PFKM: variants seen among roughly 807,000 people sequenced by gnomAD.
PFKM encodes the protein phosphofructokinase, muscle.
PFKM carries 58 observed loss-of-function variants against 95.5 expected under a neutral mutation model. The ratio of observed to expected loss-of-function variants is 0.61; its 90% CI spans 0.49 to 0.76. The LOEUF is 0.76. Ranked by LOEUF, PFKM falls within the 30% of genes least tolerant of loss-of-function variation. The pLI is 0.00. For missense variants in PFKM, 678 were observed against 1,005.4 expected (o/e 0.67, Z 4.40); for synonymous variants, 336 against 357.2 (o/e 0.94, Z 0.67).
At chr12:48,135,871 C>A (rs1189399687) in intron 10 of PFKM, among the ~76,000 whole-genome samples, 1 of 151,876 alleles carries the variant, frequency 6.6e-6, no homozygotes, top group Non-Finnish European at 1.5e-5. Context: ...TACCCCCACC[C>A]ATCCCTCCTC....
At chr12:48,114,622 C>T (rs560196058), upstream of PFKM, among the ~76,000 whole-genome samples, 3 of 152,076 alleles carry the variant, frequency 2.0e-5, no homozygotes, top group South Asian at 6.2e-4. Context: ...GAAGACTCAG[C>T]AACGCTTGGG....
rs762357629 is a variant in PFKM at position 48,137,817 on chromosome 12, C to T, written c.1033C>T (p.Arg345Cys). ...VVSLSGNQAV[R>C]LPLMECVQVT... ...GAGCCTCTCTGGTAACCAGGCTGTG[C>T]GCCTGCCCCTCATGGAATGTGTCCA... The change falls in exon 11 of 23, where the codon CGC becomes TGC. Residue 345 changes from arginine (R) to cysteine (C), a missense_variant. Arg to Cys is a radical substitution (Grantham distance 180, BLOSUM62 -3). Coordinates refer to ENST00000359794, the MANE Select transcript of PFKM (RefSeq NM_000289.6). 11 of 1,614,068 alleles carry T rather than the reference C, an allele frequency of 6.8e-6. No individual in the cohort carries two copies. The highest frequency in any genetic ancestry group is 2.2e-5 in the East Asian group (1 of 44,864).
chr12:48,135,964 C>A (rs547662171), intron 10 of PFKM, among the ~76,000 whole-genome samples: 7 of 152,068 alleles, frequency 4.6e-5, no homozygotes, highest in Non-Finnish European at 4.4e-5. Context: ...CCTTGGCTCA[C>A]TGCACGCTCT....
At chr12:48,126,587 C>T (rs1460671350) in intron 2 of PFKM, among the ~76,000 whole-genome samples, 1 of 152,156 alleles carries the variant, frequency 6.6e-6, no homozygotes, top group African/African-American at 2.4e-5. Context: ...TGAAAACGTT[C>T]GGAGTCACTT....
chr12:48,107,992 TAGGGAA>T, intron 2 of PFKM: 1 of 1,448,812 alleles, frequency 6.9e-7, no homozygotes, highest in South Asian at 1.2e-5. Context: ...CTCAGAGTCA[TAGGGAA>T]AATGAAAGGG....
At chr12:48,110,661 G>A (rs947527966) in intron 3 of PFKM, among the ~76,000 whole-genome samples, 1 of 152,188 alleles carries the variant, frequency 6.6e-6, no homozygotes, top group Non-Finnish European at 1.5e-5. Context: ...AGGGTGTTCT[G>A]CTCCTTGTTC....
chr12:48,123,405 T>C (rs894004210), intron 2 of PFKM, among the ~76,000 whole-genome samples: 1 of 152,024 alleles, frequency 6.6e-6, no homozygotes, highest in African/African-American at 2.4e-5. Context: ...ACAGATCCGG[T>C]ATGAGGTGGA....
chr12:48,107,577 T>C, intron 2 of PFKM: 1 of 678,202 alleles, frequency 1.5e-6, no homozygotes, highest in Non-Finnish European at 2.6e-6. Context: ...TGACCTTGTT[T>C]ATCACATTCT....
At chr12:48,144,212 C>G in intron 20 of PFKM, 55 bp downstream of exon 20, 1 of 1,173,964 alleles carries the variant, frequency 8.5e-7, no homozygotes, top group Non-Finnish European at 1.3e-6. Flanking sequence ...CTGCCAACAG[C>G]CATACCTGCC....
intron 1 of PFKM, among the ~76,000 whole-genome samples, chr12:48,121,268 T>A (rs7133146): frequency 0.99 from 151,576 of 152,366 alleles, 75,399 homozygotes; most frequent in Middle Eastern, 1. Flanking sequence ...GCCCAGGCAC[T>A]AAAGTGGGAA....
At chr12:48,143,946 A>G in intron 19 of PFKM, 100 bp from the exon 20 acceptor site, 1 of 1,119,734 alleles carries the variant, frequency 8.9e-7, no homozygotes, top group Non-Finnish European at 1.4e-6. Context: ...TATCCCTTGA[A>G]TCCTTGGAGG....
At chr12:48,105,955 C>G in exon 1 of PFKM, 1 of 694,102 alleles carries the variant, frequency 1.4e-6, no homozygotes, top group Non-Finnish European at 2.6e-6. Flanking sequence ...GCCGGCTGAC[C>G]GGGTCCGACA....
chr12:48,141,971 A>C lies in PFKM; in HGVS notation c.1558A>C (p.Ile520Leu). 1.2e-6 allele frequency: 2 copies of C among 1,614,026 alleles called. No homozygotes were observed. Among genetic ancestry groups the C allele is most frequent in the Non-Finnish European group, 1.7e-6 (2 of 1,179,924 alleles). ...CAGGAAGCAGTTTGATGAGCTCTGC[A>C]TCCCATTTGTGGTCATTCCTGCTAC... ...EGRKQFDELC[I>L]PFVVIPATVS... The change falls in exon 17 of 23, where the codon ATC becomes CTC. Residue 520 changes from isoleucine to leucine, a missense_variant. Transcript: ENST00000359794.
At chr12:48,118,021 GA>G (rs1177944860), upstream of PFKM, among the ~76,000 whole-genome samples, 1 of 152,166 alleles carries the variant, frequency 6.6e-6, no homozygotes, top group African/African-American at 2.4e-5. Context: ...AATCTGTGAG[GA>G]CCAAGGTTTT....
intron 7 of PFKM, 95 bp downstream of exon 7, chr12:48,134,371 G>C (rs1267417390): frequency 9.6e-7 from 1 of 1,038,362 alleles, no homozygotes; most frequent in African/African-American, 1.6e-5. Context: ...AGTAGCAGCA[G>C]ATCTGGAGGT....
At position 48,135,310 on chromosome 12, in the gene PFKM, G is replaced by A. The variant is rs760675466; in HGVS notation, c.863G>A (p.Gly288Glu). 1.2e-6 allele frequency: 2 copies of A among 1,614,086 alleles called. No individual in the cohort carries two copies. Among genetic ancestry groups the A allele is most frequent in the East Asian group, 4.5e-5 (2 of 44,872 alleles). Residue 288 changes from glycine to glutamate, a missense_variant, in exon 10 of 23, where the codon GGA becomes GAA. Physicochemically the swap from Gly to Glu is moderately conservative, Grantham distance 98. Transcript: ENST00000359794. The part of the protein sequence containing the change: ...DIKNLVVKRL[G>E]YDTRVTVLGH... Reference sequence around the variant, plus strand: ...CTTCAGCTGGTGGTTAAGCGTCTGGGATATGACACCCGGGTTACTGTCTTG... The same window carrying A: ...CTTCAGCTGGTGGTTAAGCGTCTGGAATATGACACCCGGGTTACTGTCTTG...
rs755585302 is a variant in PFKM at position 48,143,744 on chromosome 12, C to G, written c.1819-9C>G. The G allele has an allele frequency of 3.1e-6, 5 of 1,610,136 alleles. No homozygotes were observed. In the Admixed American group the frequency reaches 8.3e-5, roughly 27 times the overall value. On this transcript the variant is annotated splice_polypyrimidine_tract_variant and intron_variant, in intron 18 of 22. Coordinates refer to ENST00000359794, the MANE Select transcript of PFKM (RefSeq NM_000289.6). ...CAGTTAGGCTTAGGATTTACTCTTT[C>G]ATTTTCAGGCAAATGTTGAACATCT...
At chr12:48,135,205 C>A in intron 9 of PFKM, 86 bp from the exon 10 acceptor site, 1 of 1,246,690 alleles carries the variant, frequency 8.0e-7, no homozygotes, top group Non-Finnish European at 1.2e-6. Flanking sequence ...AGAGGCTGAG[C>A]TGTCCATGGT....
chr12:48,137,063 T>C (rs569646658), intron 10 of PFKM, among the ~76,000 whole-genome samples: 1 of 150,816 alleles, frequency 6.6e-6, no homozygotes, highest in Admixed American at 6.6e-5. Context: ...CTTTTTTTTT[T>C]TCTTTTTTTT....
Sources: gnomAD v4.1 joint callset for allele counts (sites outside exome capture counted in the v4.1 genomes callset) on GRCh38, gnomAD v4.1.1 for gene constraint, MANE v1.5 for transcripts, NCBI Gene and HGNC (gene_info 2026-07-23, HGNC 2026-07-21) for gene names.